NCMAP: variants seen among roughly 807,000 people sequenced by gnomAD.
NCMAP encodes the protein non-compact myelin associated protein.
In NCMAP, 8 loss-of-function variants were observed where a neutral mutation model predicts 7.8. The observed-to-expected ratio is 1.02, with a 90% confidence interval of 0.60 to 1.84. The LOEUF (loss-of-function observed/expected upper bound fraction) is 1.84, where lower values mean the gene tolerates loss of function less well. Among genes scored for constraint, NCMAP ranks in the 40% most tolerant of loss-of-function variants. NCMAP has a pLI of 0.00. For missense variants in NCMAP, 112 were observed against 131.4 expected (o/e 0.85, Z 0.72); for synonymous variants, 41 against 52.9 (o/e 0.78, Z 0.98).
At chr1:24,559,891 G>A (rs1431990150) in intron 1 of NCMAP, among the ~76,000 whole-genome samples, 1 of 152,224 alleles carries the variant, frequency 6.6e-6, no homozygotes, top group African/African-American at 2.4e-5. Flanking sequence ...GCCGGGCGCG[G>A]TGGCTCACGC....
At position 24,605,881 on chromosome 1, in the gene NCMAP, T is replaced by G; in HGVS notation, c.*134T>G. The G allele has an allele frequency of 4.7e-6, 5 of 1,061,152 alleles. No individual in the cohort carries two copies. The highest frequency in any genetic ancestry group is 6.8e-6 in the Non-Finnish European group (5 of 739,442). 65.7% of individuals were successfully genotyped at this position (1,061,152 alleles called of 1,614,324 possible). A position where few individuals can be genotyped will look rare whatever the true frequency, so the allele number is the denominator to read the frequency against. On this transcript the variant is annotated 3_prime_UTR_variant, in exon 4 of 4. Coordinates refer to ENST00000374392, the MANE Select transcript of NCMAP (RefSeq NM_001010980.5). ...ACAGAGACATCTTTGACGCAATCTC[T>G]GATGCTTCCAGCAATCCTCAACCTT...
intron 1 of NCMAP, among the ~76,000 whole-genome samples, chr1:24,572,540 C>T (rs1038373774): frequency 6.0e-5 from 9 of 150,480 alleles, no homozygotes; most frequent in African/African-American, 1.3e-4. Flanking sequence ...CCAAGCTCCC[C>T]GTGCCAGGGC....
intron 1 of NCMAP, among the ~76,000 whole-genome samples, chr1:24,574,018 C>T (rs1193505374): frequency 4.9e-5 from 7 of 142,140 alleles, no homozygotes; most frequent in Non-Finnish European, 7.5e-5. Context: ...AGCTGGGATA[C>T]GCTCATCTCC....
chr1:24,580,959 C>A (rs1430303921), intron 1 of NCMAP, among the ~76,000 whole-genome samples: 1 of 152,208 alleles, frequency 6.6e-6, no homozygotes, highest in Non-Finnish European at 1.5e-5. Context: ...GGATTGGCGT[C>A]TCTCCAGTGT....
rs1479819392 is a variant in NCMAP at position 24,608,188 on chromosome 1, A to G, written c.*2441A>G. On this transcript the variant is annotated 3_prime_UTR_variant, in exon 4 of 4. Coordinates refer to ENST00000374392, the MANE Select transcript of NCMAP (RefSeq NM_001010980.5). ...GAAAGAAAACAAAGTACTTTTCCAA[A>G]GTCACACAGCTAGTAAGTCACAAAG... The G allele has an allele frequency of 1.3e-5, 2 of 152,242 alleles. No individual in the cohort carries two copies. Among genetic ancestry groups the G allele is most frequent in the African/African-American group, 2.4e-5 (1 of 41,462 alleles). The allele number at this position is 152,242 out of a possible 1,614,324, so 9.4% of individuals were successfully genotyped here.
chr1:24,594,839 C>T (rs207460059), intron 1 of NCMAP, among the ~76,000 whole-genome samples: 1 of 152,044 alleles, frequency 6.6e-6, no homozygotes, highest in Non-Finnish European at 1.5e-5. Flanking sequence ...TGCAGAGAGC[C>T]GTGATTGCAC....
chr1:24,602,182 C>T (rs1652522840), intron 3 of NCMAP, among the ~76,000 whole-genome samples: 1 of 152,062 alleles, frequency 6.6e-6, no homozygotes, highest in African/African-American at 2.4e-5. Context: ...ATACACATAT[C>T]CAAGGGAAAG....
chr1:24,590,111 T>G (rs1652003501), intron 1 of NCMAP, among the ~76,000 whole-genome samples: 1 of 152,188 alleles, frequency 6.6e-6, no homozygotes, highest in African/African-American at 2.4e-5. Context: ...AGAGTTGGCT[T>G]TATATTATCA....
intron 1 of NCMAP, among the ~76,000 whole-genome samples, chr1:24,586,275 G>A (rs1570529679): frequency 6.6e-6 from 1 of 152,138 alleles, no homozygotes; most frequent in African/African-American, 2.4e-5. Flanking sequence ...AGCCACCCAG[G>A]AGGAGCGGAA....
chr1:24,572,139 G>A (rs528281283), intron 1 of NCMAP, among the ~76,000 whole-genome samples: 5 of 148,790 alleles, frequency 3.4e-5, no homozygotes, highest in Non-Finnish European at 1.5e-5. Flanking sequence ...CTGGGGCAGC[G>A]GCGAGCATGC....
intron 1 of NCMAP, chr1:24,563,781 TC>T (rs1194574708): frequency 1.3e-5 from 2 of 152,310 alleles, no homozygotes; most frequent in East Asian, 3.8e-4. Flanking sequence ...AGCAAAGTAG[TC>T]CAAGTTTATG....
intron 1 of NCMAP, among the ~76,000 whole-genome samples, chr1:24,570,728 T>C (rs1057068778): frequency 6.6e-6 from 1 of 150,942 alleles, no homozygotes; most frequent in Non-Finnish European, 1.5e-5. Context: ...ACCTCTGTGT[T>C]AGTGTCTCAT....
Position 24,600,006 on chromosome 1 carries a change from T to A in NCMAP, c.83-934T>A, listed in dbSNP as rs577151995. Among the ~76,000 whole-genome samples the A allele has an allele frequency of 9.3e-4, 141 of 151,794 alleles. No individual in the cohort carries two copies. The Middle Eastern group carries it at 0.01, about 11-fold the overall frequency. On this transcript the variant is annotated intron_variant, in intron 2 of 3. Coordinates refer to ENST00000374392, the MANE Select transcript of NCMAP (RefSeq NM_001010980.5). ...AAAAACTATAACGGGTATTTTTTTTTAATTTTTTATACAGAGATAGAGTCT... is the reference window on the plus strand; with the variant it reads ...AAAAACTATAACGGGTATTTTTTTTAAATTTTTTATACAGAGATAGAGTCT...
At chr1:24,588,267 A>G (rs1157304664) in intron 1 of NCMAP, among the ~76,000 whole-genome samples, 1 of 152,136 alleles carries the variant, frequency 6.6e-6, no homozygotes, top group Non-Finnish European at 1.5e-5. Context: ...TTTTCTGACC[A>G]TTAAAACATC....
intron 1 of NCMAP, among the ~76,000 whole-genome samples, chr1:24,578,058 C>A (rs1015168551): frequency 8.6e-5 from 13 of 152,004 alleles, no homozygotes; most frequent in Admixed American, 2.6e-4. Flanking sequence ...AGGCCAGGAG[C>A]TGGAGACCAG....
At chr1:24,580,304 G>A (rs1031614401) in intron 1 of NCMAP, among the ~76,000 whole-genome samples, 1 of 152,190 alleles carries the variant, frequency 6.6e-6, no homozygotes, top group Non-Finnish European at 1.5e-5. Flanking sequence ...TATCATGTCA[G>A]GCAGTGCAGG....
intron 1 of NCMAP, among the ~76,000 whole-genome samples, chr1:24,587,153 C>G (rs1413882894): frequency 6.6e-6 from 1 of 152,126 alleles, no homozygotes; most frequent in Non-Finnish European, 1.5e-5. Flanking sequence ...CATGTCAGCC[C>G]CCCTCTGGAG....
At chr1:24,595,911 A>G (rs976262720) in intron 2 of NCMAP, among the ~76,000 whole-genome samples, 4 of 150,630 alleles carry the variant, frequency 2.7e-5, no homozygotes, top group African/African-American at 2.4e-5. Context: ...AGTTGTGATG[A>G]CTAAAGGGGA....
At position 24,579,044 on chromosome 1, in the gene NCMAP, C is replaced by T. The variant is rs538631715; in HGVS notation, c.-7-16380C>T. Among the ~76,000 whole-genome samples, 9 of 152,256 alleles carry T rather than the reference C, an allele frequency of 5.9e-5. No individual in the cohort carries two copies. The South Asian group carries it at 1.0e-3, about 18-fold the overall frequency. ...GTTACCCGCAGACTGTGCCCGGCAG[C>T]GCGGACCTCGGCATCTTCTTGCTCC... On this transcript the variant is annotated intron_variant, in intron 1 of 3. Transcript: ENST00000374392.
Sources: allele counts gnomAD v4.1 joint callset (sites outside exome capture counted in the v4.1 genomes callset), GRCh38; gene constraint gnomAD v4.1.1; transcripts MANE v1.5; gene names NCBI Gene and HGNC (gene_info 2026-07-23, HGNC 2026-07-21).